UNC93B1: variants seen among roughly 807,000 people sequenced by gnomAD.
The protein encoded by UNC93B1 is protein unc-93 homolog B1.
A neutral mutation model predicts 56.8 loss-of-function variants in UNC93B1; 33 were observed. That is an observed-to-expected ratio of 0.58 (90% confidence interval 0.44 to 0.78). The LOEUF (loss-of-function observed/expected upper bound fraction) is 0.78, where lower values mean the gene tolerates loss of function less well. UNC93B1 is among the 30% of genes least tolerant of loss of function. The pLI is 0.00. For synonymous variants in UNC93B1, 334 were observed against 358.6 expected (o/e 0.93, Z 0.77); for missense variants, 673 against 819.5 (o/e 0.82, Z 2.18).
intron 7 of UNC93B1, 139 bp downstream of exon 7, chr11:67,997,536 C>T (rs570462260): frequency 5.6e-6 from 8 of 1,427,334 alleles, no homozygotes; most frequent in South Asian, 4.0e-5. Flanking sequence ...ACTCAGATCG[C>T]GCTCCCAGGC....
In UNC93B1 at chr11:67,995,632, G is replaced by A; in HGVS notation, c.1342C>T (p.Leu448=). Residue 448 remains leucine, a synonymous_variant, in exon 9 of 11, where the codon CTG becomes TTG. Coordinates refer to ENST00000227471, the MANE Select transcript of UNC93B1 (RefSeq NM_030930.4). ...AAALWGVGSA[L]NKTGLSTLLG... is the part of the protein sequence containing the mutation. ...TCACTGCTGAGTCCAGTCTTGTTCA[G>A]GGCACTGCCCACACCCCAAAGGGCA... The A allele has an allele frequency of 6.7e-7, 1 of 1,502,502 alleles. No individual in the cohort carries two copies. The highest frequency in any genetic ancestry group is 2.6e-5 in the East Asian group (1 of 38,178). 93.1% of individuals were successfully genotyped at this position (1,502,502 alleles called of 1,614,324 possible).
chr11:67,999,098 A>C (rs1590762091), intron 5 of UNC93B1, 75 bp downstream of exon 5: 1 of 1,584,114 alleles, frequency 6.3e-7, no homozygotes, highest in East Asian at 2.3e-5. Flanking sequence ...GTGGGACTAG[A>C]GGGTTGAGAC....
chr11:67,997,596 C>T, intron 7 of UNC93B1, 79 bp downstream of exon 7: 1 of 1,589,258 alleles, frequency 6.3e-7, no homozygotes, highest in Non-Finnish European at 8.5e-7. Context: ...GCCATCCGAT[C>T]CAGACCCTTT....
Position 67,995,356 on chromosome 11 carries a change from G to A in UNC93B1, c.1363+255C>T, listed in dbSNP as rs1856920521. ...CTGGGGTATTAACAGAATGTCCATG[G>A]CATGGAACCCCCATACCTGTCTCCA... On this transcript the variant is annotated intron_variant, in intron 9 of 10. Transcript: ENST00000227471. Among the ~76,000 whole-genome samples the A allele has an allele frequency of 2.0e-5, 3 of 151,984 alleles. No homozygotes were observed. In the South Asian group the frequency reaches 6.2e-4, roughly 32 times the overall value.
Position 68,004,078 on chromosome 11 carries a change from C to G in UNC93B1, c.-35G>C, listed in dbSNP as rs1402887790. 4 of 1,305,214 alleles carry G rather than the reference C, an allele frequency of 3.1e-6. No homozygotes were observed. Among genetic ancestry groups the G allele is most frequent in the South Asian group, 4.2e-5 (2 of 47,710 alleles). The allele number at this position is 1,305,214 out of a possible 1,614,324, so 80.9% of individuals were successfully genotyped here. ...TACTGCGGACTCGCGGCGGTCGCCCCGGAGTCCCTGCGACCGCCCGGCCAC... is the reference window on the plus strand; with the variant it reads ...TACTGCGGACTCGCGGCGGTCGCCCGGGAGTCCCTGCGACCGCCCGGCCAC... On this transcript the variant is annotated 5_prime_UTR_variant, in exon 1 of 11. Transcript: ENST00000227471.
At position 67,996,448 on chromosome 11, in the gene UNC93B1, G is replaced by T. The variant is rs138467447; in HGVS notation, c.1089+154C>A. On this transcript the variant is annotated intron_variant, in intron 8 of 10. Coordinates refer to ENST00000227471, the MANE Select transcript of UNC93B1 (RefSeq NM_030930.4). ...TTGCCCAAGGTAAAGGGGGGACGGGGGTAAGAGAGGGAAGAGAAAGCAGGA... is the reference window on the plus strand; with the variant it reads ...TTGCCCAAGGTAAAGGGGGGACGGGTGTAAGAGAGGGAAGAGAAAGCAGGA... Among the ~76,000 whole-genome samples, 1,013 of 152,160 alleles carry T rather than the reference G, an allele frequency of 6.7e-3. 16 individuals carry two copies. Among genetic ancestry groups the T allele is most frequent in the South Asian group, 0.062 (299 of 4,820 alleles).
chr11:67,996,430 A>T (rs1358125569), intron 8 of UNC93B1, among the ~76,000 whole-genome samples, 172 bp downstream of exon 8: 1 of 152,090 alleles, frequency 6.6e-6, no homozygotes, highest in East Asian at 1.9e-4. Context: ...AACTTGCCCA[A>T]GGTAAAGGGG....
Position 67,996,632 on chromosome 11 carries a change from C to T in UNC93B1, c.1059G>A (p.Glu353=). ...LVPFFIYSGF[E]VLFACTGIAL... ...CGATACCAGTGCAGGCAAAGAGCAC[C>T]TCGAAGCCGCTGTAGATAAAGAAAG... The change falls in exon 8 of 11, where the codon GAG becomes GAA. Residue 353 remains glutamate (E), a synonymous_variant. Coordinates refer to ENST00000227471, the MANE Select transcript of UNC93B1 (RefSeq NM_030930.4). 1.3e-6 allele frequency: 2 copies of T among 1,551,076 alleles called. No homozygotes were observed. Among genetic ancestry groups the T allele is most frequent in the Non-Finnish European group, 1.7e-6 (2 of 1,146,510 alleles).
At chr11:67,993,340 C>A (rs1856880867) in intron 10 of UNC93B1, among the ~76,000 whole-genome samples, 1 of 152,250 alleles carries the variant, frequency 6.6e-6, no homozygotes, top group Non-Finnish European at 1.5e-5. Context: ...CTAGACCGAG[C>A]CACCATTTTT....
chr11:68,001,132 GT>G (rs1420893147), intron 3 of UNC93B1, among the ~76,000 whole-genome samples: 4 of 152,052 alleles, frequency 2.6e-5, no homozygotes, highest in African/African-American at 9.7e-5. Flanking sequence ...GGAGGCAGAG[GT>G]TGGAGTGAGC....
intron 3 of UNC93B1, among the ~76,000 whole-genome samples, chr11:68,001,969 C>T (rs952673224): frequency 3.9e-5 from 6 of 152,008 alleles, no homozygotes; most frequent in Non-Finnish European, 8.8e-5. Context: ...CATAGTGAAA[C>T]CCCATCTCTA....
At chr11:67,994,454 G>A (rs1856901528) in intron 9 of UNC93B1, among the ~76,000 whole-genome samples, 1 of 152,122 alleles carries the variant, frequency 6.6e-6, no homozygotes, top group African/African-American at 2.4e-5. Flanking sequence ...AAATCATAGG[G>A]GCCACTATTA....
chr11:68,003,915 C>T lies in UNC93B1; in HGVS notation c.96+33G>A. On this transcript the variant is annotated intron_variant, in intron 1 of 10. Transcript: ENST00000227471. This position sits in a 1 kb window ranked among gnomAD's most constrained non-coding sequence, Gnocchi z 4.4. ...CGGGGGGACCCTGGCCCACAGGGGA[C>T]GCCCGCGCCTCGCACTCCGGGTCCC... is the stretch of plus-strand genomic sequence containing the variant. The T allele has an allele frequency of 7.4e-7, 1 of 1,351,872 alleles. No individual in the cohort carries two copies. The highest frequency in any genetic ancestry group is 9.5e-7 in the Non-Finnish European group (1 of 1,047,978). 83.7% of individuals were successfully genotyped at this position (1,351,872 alleles called of 1,614,324 possible).
At chr11:67,991,972 G>A (rs1367842393) in intron 10 of UNC93B1, 115 bp from the exon 11 acceptor site, 16 of 1,168,920 alleles carry the variant, frequency 1.4e-5, no homozygotes, top group Non-Finnish European at 1.8e-5. Flanking sequence ...CCCGGGCCAC[G>A]CGGCCCTCAA....
intron 7 of UNC93B1, 145 bp downstream of exon 7, chr11:67,997,530 A>G: frequency 7.2e-7 from 1 of 1,389,530 alleles, no homozygotes; most frequent in Admixed American, 2.2e-5. Flanking sequence ...TCCCCAACTC[A>G]GATCGCGCTC....
At chr11:67,996,808 G>A (rs1445382445) in intron 7 of UNC93B1, 24 bp from the exon 8 acceptor site, 4 of 1,516,552 alleles carry the variant, frequency 2.6e-6, no homozygotes, top group East Asian at 2.5e-5. Context: ...ACTTGAAGGG[G>A]CGGCCAGCCA....
rs773760045 is a variant in UNC93B1, at chr11:68,003,208, G to C, written c.239-33C>G. On this transcript the variant is annotated intron_variant, in intron 2 of 10. Coordinates refer to ENST00000227471, the MANE Select transcript of UNC93B1 (RefSeq NM_030930.4). The surrounding 1 kb of genome is among the most constrained non-coding windows in gnomAD (Gnocchi z 4.4). ...CAGGACAGAGAGCGGCGTGCAGGGA[G>C]CAGCCTAGCTTTGGGCGCCACCGAG... 1 of 1,590,310 alleles carries C rather than the reference G, an allele frequency of 6.3e-7. No homozygotes were observed. The highest frequency in any genetic ancestry group is 8.5e-7 in the Non-Finnish European group (1 of 1,173,816).
At chr11:67,994,264 A>G (rs995033238) in intron 9 of UNC93B1, among the ~76,000 whole-genome samples, 2 of 152,188 alleles carry the variant, frequency 1.3e-5, no homozygotes, top group Non-Finnish European at 2.9e-5. Flanking sequence ...GTGGGCAACA[A>G]GAGTAATGGA....
Position 67,993,800 on chromosome 11 carries a change from G to C in UNC93B1, c.1364-6C>G, listed in dbSNP as rs755175158. ...GTACAAGATTCCCAGGAGTGCTGCA[G>C]GCAGGCAGTACAGGGCAGGCAGGGG... On this transcript the variant is annotated splice_region_variant and splice_polypyrimidine_tract_variant and intron_variant, in intron 9 of 10. Transcript: ENST00000227471. 1.2e-5 allele frequency: 13 copies of C among 1,110,870 alleles called. No individual in the cohort carries two copies. Among genetic ancestry groups the C allele is most frequent in the Non-Finnish European group, 1.7e-5 (13 of 756,734 alleles). 68.8% of individuals were successfully genotyped at this position (1,110,870 alleles called of 1,614,324 possible). A position where few individuals can be genotyped will look rare whatever the true frequency, so the allele number is the denominator to read the frequency against.
Sources: gnomAD v4.1 joint callset for allele counts (sites outside exome capture counted in the v4.1 genomes callset) on GRCh38, gnomAD v4.1.1 for gene constraint, Gnocchi (gnomAD v3.1) non-coding constraint, MANE v1.5 for transcripts, NCBI Gene and HGNC (gene_info 2026-07-23, HGNC 2026-07-21) for gene names.